The following ZMYM1 variants were observed in gnomAD, a reference collection of about 807,000 sequenced individuals.
ZMYM1 encodes zinc finger MYM-type protein 1.
A neutral mutation model predicts 60.0 loss-of-function variants in ZMYM1; 39 were observed. That is an observed-to-expected ratio of 0.65 (90% CI 0.50 to 0.85). ZMYM1 has a LOEUF of 0.85. ZMYM1 is among the 40% of genes least tolerant of loss of function. The probability of loss-of-function intolerance (pLI) is 0.00; values close to 1 mark genes in which losing one functional copy is unlikely to be tolerated. For synonymous variants in ZMYM1, 413 were observed against 454.0 expected (o/e 0.91, Z 1.15); for missense variants, 1,171 against 1,309.5 (o/e 0.89, Z 1.63).
Position 35,061,649 on chromosome 1 carries a change from G to A in ZMYM1, c.-301+1724G>A, listed in dbSNP as rs569564889. On this transcript the variant is annotated intron_variant, in intron 1 of 10. Coordinates refer to the ZMYM1 transcript ENST00000417119. ...AAATTAGCCGGGCATGGTGGCAGGC[G>A]CCTGTAGTCCCAGCTACTTGGGAGG... Among the ~76,000 whole-genome samples, 11 of 151,440 alleles carry A rather than the reference G, an allele frequency of 7.3e-5. No individual in the cohort carries two copies. The South Asian group carries it at 8.4e-4, about 11-fold the overall frequency.
chr1:35,072,507 T>C (rs554959195), intron 1 of ZMYM1, among the ~76,000 whole-genome samples: 13 of 73,136 alleles, frequency 1.8e-4, no homozygotes, highest in African/African-American at 7.3e-4. Flanking sequence ...CAACTCTTCA[T>C]TTTATTGATC....
chr1:35,088,454 A>ATATATATATATGTG (rs1464546786), intron 1 of ZMYM1, among the ~76,000 whole-genome samples: 18 of 107,240 alleles, frequency 1.7e-4, no homozygotes, highest in East Asian at 7.1e-4. Flanking sequence ...ATATATATAT[A>ATATATATATATGTG]TGTGTGTGTG....
intron 1 of ZMYM1, among the ~76,000 whole-genome samples, chr1:35,086,062 A>G (rs893432687): frequency 1.3e-5 from 2 of 152,206 alleles, no homozygotes; most frequent in African/African-American, 2.4e-5. Flanking sequence ...ACAGAATTCA[A>G]TTTTATGTAT....
In ZMYM1 at chr1:35,097,423, T is replaced by C. The variant is rs1557672957; in HGVS notation, c.276T>C (p.Cys92=). ...CTATTCAGGTTTCCTGTGCTGGTTG[T>C]AAAAAAATTCTCCAGAAGGGGCAAA... is the stretch of plus-strand genomic sequence containing the variant. The part of the protein sequence containing the change: ...TTAIQVSCAG[C]KKILQKGQTA... The change falls in exon 4 of 10, where the codon TGT becomes TGC. Residue 92 remains cysteine (C), a synonymous_variant. Transcript: ENST00000359858. 7 of 1,614,090 alleles carry C rather than the reference T, an allele frequency of 4.3e-6. No individual in the cohort carries two copies. The highest frequency in any genetic ancestry group is 5.9e-6 in the Non-Finnish European group (7 of 1,180,016).
chr1:35,066,408 G>T (rs1210396952), intron 1 of ZMYM1, among the ~76,000 whole-genome samples: 1 of 152,150 alleles, frequency 6.6e-6, no homozygotes. Flanking sequence ...ATGTTGGCCA[G>T]GCTGGTCCTG....
intron 3 of ZMYM1, 31 bp from the exon 4 acceptor site, chr1:35,097,286 A>ATT: frequency 6.5e-7 from 1 of 1,538,552 alleles, no homozygotes; most frequent in Non-Finnish European, 8.7e-7. Flanking sequence ...GTAAATAACA[A>ATT]TTTTTTTTTC....
intron 2 of ZMYM1, among the ~76,000 whole-genome samples, chr1:35,095,111 T>C (rs984415792): frequency 2.0e-5 from 3 of 152,160 alleles, no homozygotes; most frequent in Non-Finnish European, 4.4e-5. Context: ...GCTATGAAAT[T>C]GCCTCCTGCT....
chr1:35,116,755 C>T (rs967999940), downstream of ZMYM1, among the ~76,000 whole-genome samples: 1 of 149,872 alleles, frequency 6.7e-6, no homozygotes, highest in Non-Finnish European at 1.5e-5. Flanking sequence ...CCACGCCCAG[C>T]CAGAAAAGTT....
At position 35,115,115 on chromosome 1, in the gene ZMYM1, A is replaced by G. The variant is rs553327455; in HGVS notation, c.3285A>G (p.Thr1095=). 5.0e-6 allele frequency: 8 copies of G among 1,614,028 alleles called. No homozygotes were observed. Among genetic ancestry groups the G allele is most frequent in the African/African-American group, 4.0e-5 (3 of 74,934 alleles). The stretch of plus-strand genomic sequence containing the variant: ...TTTCTACCCTGCCTCGTCTTAAGAC[A>G]TATTTATGTAATACCATGGGACAAG... ...NSFSTLPRLK[T]YLCNTMGQEK... Residue 1095 remains threonine (T), a synonymous_variant, in exon 10 of 10, where the codon ACA becomes ACG. Transcript: ENST00000359858.
At chr1:35,093,845 T>A (rs879890147) in intron 1 of ZMYM1, 69 bp from the exon 2 acceptor site, 17 of 550,920 alleles carry the variant, frequency 3.1e-5, no homozygotes, top group African/African-American at 2.9e-4. Flanking sequence ...CCTTTTGTGG[T>A]TCTAGAAAAT....
intron 1 of ZMYM1, among the ~76,000 whole-genome samples, chr1:35,083,823 A>G: frequency 6.6e-6 from 1 of 151,852 alleles, no homozygotes; most frequent in East Asian, 1.9e-4. Context: ...GGGTCTCACT[A>G]TGTCACCCAG....
chr1:35,081,396 C>CT (rs1642381766), intron 1 of ZMYM1, among the ~76,000 whole-genome samples: 1 of 149,640 alleles, frequency 6.7e-6, no homozygotes, highest in African/African-American at 2.5e-5. Flanking sequence ...TTGATATTGT[C>CT]TTGGTTATGC....
At chr1:35,083,541 A>G (rs1642501370) in intron 1 of ZMYM1, among the ~76,000 whole-genome samples, 1 of 152,128 alleles carries the variant, frequency 6.6e-6, no homozygotes, top group Admixed American at 6.6e-5. Flanking sequence ...TTTGTGATTC[A>G]CAGAGCTTGA....
intron 1 of ZMYM1, among the ~76,000 whole-genome samples, chr1:35,091,115 G>A (rs1032063198): frequency 2.0e-5 from 3 of 152,104 alleles, no homozygotes; most frequent in Non-Finnish European, 2.9e-5. Context: ...GGTTTGTGGG[G>A]GTAATAAAAG....
chr1:35,081,300 C>A (rs532861609), intron 1 of ZMYM1, among the ~76,000 whole-genome samples: 1 of 152,154 alleles, frequency 6.6e-6, no homozygotes, highest in East Asian at 1.9e-4. Context: ...TATCTGCTTC[C>A]AGACTCTGTT....
chr1:35,075,474 C>T (rs1474374254), upstream of ZMYM1, among the ~76,000 whole-genome samples: 2 of 151,912 alleles, frequency 1.3e-5, no homozygotes, highest in African/African-American at 2.4e-5. Context: ...AAGGAAGCCC[C>T]GGATTGGTTT....
intron 6 of ZMYM1, 139 bp downstream of exon 6, chr1:35,104,908 G>A (rs149073503): frequency 0.015 from 9,235 of 625,172 alleles, 157 homozygotes; most frequent in South Asian, 0.054. Flanking sequence ...GGCTTTTAAC[G>A]GTTTCTTCTT....
At position 35,106,385 on chromosome 1, in the gene ZMYM1, G is replaced by A. The variant is rs1422084357; in HGVS notation, c.807+1616G>A. On this transcript the variant is annotated intron_variant, in intron 6 of 9. Coordinates refer to ENST00000359858, the MANE Select transcript of ZMYM1 (RefSeq NM_024772.5). ...GCACTTTGGGAGGCCGAGGCTGGCC[G>A]ATCACCTGAGGTCAGGAGTTGGAGA... Among the ~76,000 whole-genome samples the A allele has an allele frequency of 2.6e-5, 4 of 152,014 alleles. No homozygotes were observed. The South Asian group carries it at 8.3e-4, about 32-fold the overall frequency.
intron 1 of ZMYM1, among the ~76,000 whole-genome samples, chr1:35,062,671 T>G (rs1641897216): frequency 6.6e-6 from 1 of 152,202 alleles, no homozygotes; most frequent in Non-Finnish European, 1.5e-5. Context: ...TACATCTAAA[T>G]TATTGGTTAT....
Sources: allele counts gnomAD v4.1 joint callset (sites outside exome capture counted in the v4.1 genomes callset), GRCh38; gene constraint gnomAD v4.1.1; transcripts MANE v1.5; gene names NCBI Gene and HGNC (gene_info 2026-07-23, HGNC 2026-07-21).